Variants in LRRTM4 observed in about 807,000 individuals in gnomAD.
The protein encoded by LRRTM4 is leucine rich repeat transmembrane neuronal 4, also known as leucine-rich repeat transmembrane neuronal protein 4.
A neutral mutation model predicts 47.6 loss-of-function variants in LRRTM4; 25 were observed. The ratio of observed to expected loss-of-function variants is 0.53; its 90% CI spans 0.38 to 0.73. LRRTM4 has a LOEUF of 0.73. Ranked by LOEUF, LRRTM4 falls within the 30% of genes least tolerant of loss-of-function variation. The pLI is 0.00. For missense variants in LRRTM4, 638 were observed against 713.4 expected (o/e 0.89, Z 1.20); for synonymous variants, 311 against 269.5 (o/e 1.15, Z -1.51).
In LRRTM4 at chr2:76,796,018, A is replaced by G. The variant is rs920470452; in HGVS notation, c.1552-47102T>C. ...CCTCACTTGGGAAGCGCAAGGGGTC[A>G]CGGAGTTCCCTTTCTGAGTCAAAGA... On this transcript the variant is annotated intron_variant, in intron 3 of 3. Coordinates refer to ENST00000409884, the MANE Select transcript of LRRTM4 (RefSeq NM_001134745.3). Among the ~76,000 whole-genome samples, 26 of 133,646 alleles carry G rather than the reference A, an allele frequency of 1.9e-4. 1 individual carries two copies. Among genetic ancestry groups the G allele is most frequent in the African/African-American group, 6.9e-4 (22 of 31,662 alleles). 87.7% of individuals were successfully genotyped at this position (133,646 alleles called of 152,430 possible).
intron 3 of LRRTM4, among the ~76,000 whole-genome samples, chr2:77,075,538 A>C (rs2103840320): frequency 6.6e-6 from 1 of 152,300 alleles, no homozygotes; most frequent in African/African-American, 2.4e-5. Flanking sequence ...CATAAAAATA[A>C]GGTCTACATT....
At chr2:77,475,409 T>C (rs1677348859) in intron 3 of LRRTM4, among the ~76,000 whole-genome samples, 1 of 152,056 alleles carries the variant, frequency 6.6e-6, no homozygotes, top group Non-Finnish European at 1.5e-5. Context: ...AGATATCACA[T>C]TACTATCATA....
At chr2:77,170,627 A>G (rs111813608) in intron 3 of LRRTM4, among the ~76,000 whole-genome samples, 2,606 of 152,244 alleles carry the variant, frequency 0.017, 38 homozygotes, top group South Asian at 0.03. Context: ...ATTTTTCCAA[A>G]GAGAGTTTAA....
At chr2:77,415,201 G>T (rs1674592540) in intron 3 of LRRTM4, among the ~76,000 whole-genome samples, 2 of 151,980 alleles carry the variant, frequency 1.3e-5, no homozygotes, top group African/African-American at 4.8e-5. Flanking sequence ...GAATATTTTT[G>T]GGAAAATAAT....
intron 3 of LRRTM4, among the ~76,000 whole-genome samples, chr2:76,826,721 G>T (rs1171676911): frequency 1.3e-5 from 2 of 151,728 alleles, no homozygotes; most frequent in African/African-American, 4.8e-5. Flanking sequence ...AGAAATAAAA[G>T]GAAAGTCACC....
chr2:76,935,698 C>T (rs1674923027), intron 3 of LRRTM4, among the ~76,000 whole-genome samples: 1 of 152,112 alleles, frequency 6.6e-6, no homozygotes, highest in African/African-American at 2.4e-5. Context: ...GATTTTGTAT[C>T]CTGAGACTTT....
At chr2:77,244,593 C>A (rs1244605820) in intron 3 of LRRTM4, among the ~76,000 whole-genome samples, 1 of 152,044 alleles carries the variant, frequency 6.6e-6, no homozygotes, top group Non-Finnish European at 1.5e-5. Context: ...CCTCCACCCC[C>A]TCCTGATACT....
intron 3 of LRRTM4, among the ~76,000 whole-genome samples, chr2:76,992,605 C>G (rs569952319): frequency 6.6e-6 from 1 of 151,452 alleles, no homozygotes; most frequent in Non-Finnish European, 1.5e-5. Flanking sequence ...CTACAAAACA[C>G]TGCTGAAAGA....
intron 3 of LRRTM4, among the ~76,000 whole-genome samples, chr2:77,346,470 G>A (rs189492889): frequency 6.6e-6 from 1 of 152,164 alleles, no homozygotes; most frequent in East Asian, 1.9e-4. Context: ...GTGTACACAT[G>A]TGTGTGCTGG....
chr2:77,183,595 G>T (rs1168824956), intron 3 of LRRTM4, among the ~76,000 whole-genome samples: 3 of 152,100 alleles, frequency 2.0e-5, no homozygotes, highest in African/African-American at 7.2e-5. Flanking sequence ...ATACCCAAAG[G>T]ATTATAAATC....
At chr2:76,769,958 T>C (rs1387451219) in intron 3 of LRRTM4, among the ~76,000 whole-genome samples, 1 of 152,192 alleles carries the variant, frequency 6.6e-6, no homozygotes. Flanking sequence ...AAATCATTTA[T>C]CCCCATCCCA....
At chr2:76,807,393 T>C (rs1349099366) in intron 3 of LRRTM4, among the ~76,000 whole-genome samples, 6 of 120,872 alleles carry the variant, frequency 5.0e-5, no homozygotes, top group African/African-American at 2.3e-4. Context: ...TATATATATA[T>C]ATATATGTAT....
At chr2:76,868,952 T>C (rs907648738) in intron 3 of LRRTM4, among the ~76,000 whole-genome samples, 5 of 152,144 alleles carry the variant, frequency 3.3e-5, no homozygotes, top group East Asian at 1.9e-4. Flanking sequence ...CTTAACACGA[T>C]AGCATGTCCA....
intron 3 of LRRTM4, among the ~76,000 whole-genome samples, chr2:77,198,497 C>T (rs1482588331): frequency 6.6e-6 from 1 of 152,070 alleles, no homozygotes; most frequent in South Asian, 2.1e-4. Context: ...CTAACCCTTC[C>T]CTTATCATCA....
intron 3 of LRRTM4, among the ~76,000 whole-genome samples, chr2:77,019,779 A>AT (rs1455614342): frequency 6.6e-6 from 1 of 152,122 alleles, no homozygotes; most frequent in Admixed American, 6.6e-5. Flanking sequence ...GAACCAGAAA[A>AT]TTTTTATCAA....
chr2:77,289,217 C>A (rs1676750377), intron 3 of LRRTM4, among the ~76,000 whole-genome samples: 1 of 146,888 alleles, frequency 6.8e-6, no homozygotes, highest in Non-Finnish European at 1.5e-5. Flanking sequence ...TTAATTCAGC[C>A]CTTTATCCTT....
At chr2:77,018,439 C>CA (rs973731148) in intron 3 of LRRTM4, among the ~76,000 whole-genome samples, 64 of 152,040 alleles carry the variant, frequency 4.2e-4, no homozygotes, top group African/African-American at 1.1e-3. Flanking sequence ...GCTGCCATAT[C>CA]ATATCTGTGT....
intron 3 of LRRTM4, among the ~76,000 whole-genome samples, chr2:76,893,197 T>C (rs1673309042): frequency 6.6e-6 from 1 of 151,706 alleles, no homozygotes; most frequent in South Asian, 2.1e-4. Context: ...TTACATTTTG[T>C]ATTAAAGGAA....
Position 77,277,088 on chromosome 2 carries a change from G to A in LRRTM4, c.1551+241230C>T, listed in dbSNP as rs975917262. On this transcript the variant is annotated intron_variant, in intron 3 of 3. Coordinates refer to ENST00000409884, the MANE Select transcript of LRRTM4 (RefSeq NM_001134745.3). ...TTACAACTACACAGTATATGTCAGG[G>A]CAGAGGGAACAACTCAATGTGTGCA... 4.0e-5 allele frequency among the ~76,000 whole-genome samples: 6 copies of A among 151,784 alleles called. No homozygotes were observed. In the East Asian group the frequency reaches 5.8e-4, roughly 15 times the overall value.
Sources: allele counts gnomAD v4.1 joint callset (sites outside exome capture counted in the v4.1 genomes callset), GRCh38; gene constraint gnomAD v4.1.1; transcripts MANE v1.5; gene names NCBI Gene and HGNC (gene_info 2026-07-23, HGNC 2026-07-21).